The following IL1RAPL2 variants were observed in gnomAD, a reference collection of about 807,000 sequenced individuals.
IL1RAPL2 encodes the protein X-linked interleukin-1 receptor accessory protein-like 2.
A neutral mutation model predicts 44.1 loss-of-function variants in IL1RAPL2; 3 were observed. The ratio of observed to expected loss-of-function variants is 0.07; its 90% confidence interval spans 0.03 to 0.18. IL1RAPL2 has a LOEUF of 0.18. Among genes scored for constraint, IL1RAPL2 ranks in the 10% least tolerant of loss-of-function variants. IL1RAPL2 has a pLI of 1.00. For missense variants in IL1RAPL2, 391 were observed against 496.4 expected, an observed-to-expected ratio of 0.79 and a Z score of 2.02; for synonymous variants, 181 against 178.8, an observed-to-expected ratio of 1.01 and a Z score of -0.10.
At chrX:105,707,950 G>C (rs150158515) in intron 6 of IL1RAPL2, among the ~76,000 whole-genome samples, 1,289 of 110,579 alleles carry the variant, frequency 0.012, 4 homozygotes, top group Middle Eastern at 0.056. Context: ...AAAGTGGAGG[G>C]TAAAGGCATG....
At chrX:105,500,684 T>G (rs963270454) in intron 6 of IL1RAPL2, among the ~76,000 whole-genome samples, 3 of 112,079 alleles carry the variant, frequency 2.7e-5, no homozygotes, top group African/African-American at 9.7e-5. Flanking sequence ...ATTTAATCTC[T>G]TACATAACTC....
intron 5 of IL1RAPL2, among the ~76,000 whole-genome samples, chrX:105,401,397 T>C (rs1257300276): frequency 3.6e-5 from 4 of 111,698 alleles, no homozygotes; most frequent in Admixed American, 9.5e-5. Flanking sequence ...AGTTTATGGA[T>C]ACAAAGTCTG....
chrX:104,791,550 C>T (rs1197287326), intron 2 of IL1RAPL2, among the ~76,000 whole-genome samples: 1 of 111,720 alleles, frequency 9.0e-6, no homozygotes, highest in Non-Finnish European at 1.9e-5. Flanking sequence ...CCCTCTGTGG[C>T]TCTGATTTCT....
chrX:104,714,803 A>G (rs150395476), intron 2 of IL1RAPL2, among the ~76,000 whole-genome samples: 2,118 of 111,304 alleles, frequency 0.019, 29 homozygotes, highest in Middle Eastern at 0.06. Context: ...CATATGTTGA[A>G]CAAAGCTTGC....
At chrX:105,219,223 A>T (rs1323912943) in intron 3 of IL1RAPL2, 53 of 1,208,437 alleles carry the variant, frequency 4.4e-5, no homozygotes, top group Non-Finnish European at 5.9e-5. Flanking sequence ...TGGTGCTGTG[A>T]CTGTTGCTTG....
intron 7 of IL1RAPL2, among the ~76,000 whole-genome samples, chrX:105,721,951 C>A (rs1414247984): frequency 1.8e-5 from 2 of 112,206 alleles, no homozygotes; most frequent in Non-Finnish European, 3.8e-5. Context: ...TACCACCATG[C>A]CTGGCTAAGA....
chrX:104,785,643 G>A (rs1932794484), intron 2 of IL1RAPL2, among the ~76,000 whole-genome samples: 1 of 111,406 alleles, frequency 9.0e-6, no homozygotes, highest in African/African-American at 3.3e-5. Context: ...CCCACTGCTA[G>A]CATTTTAAAT....
chrX:105,041,279 G>A (rs2081485392), intron 2 of IL1RAPL2, among the ~76,000 whole-genome samples: 1 of 111,169 alleles, frequency 9.0e-6, no homozygotes, highest in African/African-American at 3.3e-5. Flanking sequence ...TACATTTGCT[G>A]AGGAGAGCTT....
chrX:104,946,405 A>AAAAAAAAAAAAAAAC, intron 2 of IL1RAPL2, among the ~76,000 whole-genome samples: 1 of 96,512 alleles, frequency 1.0e-5, no homozygotes, highest in Non-Finnish European at 2.1e-5. Flanking sequence ...AAAAAAAAAA[A>AAAAAAAAAAAAAAAC]AAAACTTTTT....
intron 5 of IL1RAPL2, among the ~76,000 whole-genome samples, chrX:105,452,740 A>G (rs2036028236): frequency 9.0e-6 from 1 of 111,271 alleles, no homozygotes; most frequent in South Asian, 3.8e-4. Flanking sequence ...CTCTCAAAGA[A>G]CCAGAATTCT....
intron 2 of IL1RAPL2, among the ~76,000 whole-genome samples, chrX:104,968,979 C>CTCTGTGTGTGTGTG (rs2030180288): frequency 1.2e-5 from 1 of 82,050 alleles, no homozygotes; most frequent in African/African-American, 4.6e-5. Flanking sequence ...TTGCCTTTTG[C>CTCTGTGTGTGTGTG]TGTGTGTGTG....
At chrX:105,002,665 G>A (rs1436689833) in intron 2 of IL1RAPL2, among the ~76,000 whole-genome samples, 2 of 110,181 alleles carry the variant, frequency 1.8e-5, no homozygotes, top group Admixed American at 9.7e-5. Context: ...AATGTCAGTA[G>A]CCATTATCCC....
At chrX:104,605,505 C>T (rs1265413022) in intron 1 of IL1RAPL2, among the ~76,000 whole-genome samples, 1 of 111,193 alleles carries the variant, frequency 9.0e-6, no homozygotes, top group Non-Finnish European at 1.9e-5. Flanking sequence ...ATGAAAAACC[C>T]TTCAAAACAT....
At chrX:104,721,434 A>T (rs973796150) in intron 2 of IL1RAPL2, among the ~76,000 whole-genome samples, 2 of 110,561 alleles carry the variant, frequency 1.8e-5, no homozygotes, top group African/African-American at 6.6e-5. Flanking sequence ...CAGAAACAGA[A>T]AACCAGACAC....
At chrX:104,911,942 A>G (rs1924251600) in intron 2 of IL1RAPL2, among the ~76,000 whole-genome samples, 1 of 111,288 alleles carries the variant, frequency 9.0e-6, no homozygotes, top group Non-Finnish European at 1.9e-5. Flanking sequence ...TCACTCAAAT[A>G]TCGCTTTCTC....
chrX:104,935,360 T>A (rs979062892), intron 2 of IL1RAPL2, among the ~76,000 whole-genome samples: 5 of 111,720 alleles, frequency 4.5e-5, no homozygotes, highest in African/African-American at 1.6e-4. Flanking sequence ...ACTTTTGACA[T>A]TTTTTTTGGT....
At chrX:105,070,672 C>T (rs969255589) in intron 2 of IL1RAPL2, among the ~76,000 whole-genome samples, 6 of 109,200 alleles carry the variant, frequency 5.5e-5, no homozygotes, top group Admixed American at 9.9e-5. Context: ...CCAGCCTGGG[C>T]AACAGAGTAA....
intron 4 of IL1RAPL2, among the ~76,000 whole-genome samples, chrX:105,235,464 G>A (rs1556200629): frequency 1.8e-5 from 2 of 111,271 alleles, no homozygotes; most frequent in African/African-American, 6.5e-5. Context: ...GGATCTGACA[G>A]ACCCTCAGTT....
intron 5 of IL1RAPL2, among the ~76,000 whole-genome samples, chrX:105,287,199 T>G (rs1206871192): frequency 2.7e-5 from 3 of 111,718 alleles, no homozygotes; most frequent in Non-Finnish European, 5.7e-5. Context: ...GAAAGGCTTC[T>G]TGGAGGAAGT....
Sources: gnomAD v4.1 joint callset for allele counts (sites outside exome capture counted in the v4.1 genomes callset) on GRCh38, gnomAD v4.1.1 for gene constraint, MANE v1.5 for transcripts, NCBI Gene and HGNC (gene_info 2026-07-23, HGNC 2026-07-21) for gene names.